BHLHE40: variants seen among roughly 807,000 people sequenced by gnomAD.
BHLHE40 encodes class E basic helix-loop-helix protein 40.
BHLHE40 carries 3 observed loss-of-function variants against 35.7 expected under a neutral mutation model. That is an observed-to-expected ratio of 0.08 (90% confidence interval 0.04 to 0.22). The LOEUF (loss-of-function observed/expected upper bound fraction) is 0.22. Ranked by LOEUF, BHLHE40 falls within the 10% of genes least tolerant of loss-of-function variation. BHLHE40 has a pLI of 1.00. For missense variants in BHLHE40, 486 were observed against 524.0 expected, an observed-to-expected ratio of 0.93 and a Z score of 0.71; for synonymous variants, 236 against 213.0, an observed-to-expected ratio of 1.11 and a Z score of -0.94.
In BHLHE40 at chr3:4,982,920, A is replaced by G. The variant is rs752635944; in HGVS notation, c.467A>G (p.Tyr156Cys). The G allele has an allele frequency of 1.9e-6, 3 of 1,614,120 alleles. No homozygotes were observed. In the East Asian group the frequency reaches 6.7e-5, roughly 36 times the overall value. ...ACATGTGCCCGGGAGGTGCTTCAGTATCTGGCCAAGCACGAGAACACTCGG... is the reference window on the plus strand; with the variant it reads ...ACATGTGCCCGGGAGGTGCTTCAGTGTCTGGCCAAGCACGAGAACACTCGG... ...FQTCAREVLQ[Y>C]LAKHENTRDL... The change falls in exon 5 of 5, where the codon TAT (tyrosine) becomes TGT (cysteine). Residue 156 changes from tyrosine to cysteine, a missense_variant. By Grantham distance (194) the Tyr-to-Cys change is radical. Around this residue, in one of 5 missense-constraint regions of BHLHE40, gnomAD observed 176 missense variants for 180.5 expected, o/e 0.98. Coordinates refer to ENST00000256495, the MANE Select transcript of BHLHE40 (RefSeq NM_003670.3).
In BHLHE40 at chr3:4,979,752, G is replaced by C. The variant is rs565467036; in HGVS notation, c.34G>C (p.Ala12Pro). The C allele has an allele frequency of 3.2e-6, 5 of 1,580,000 alleles. No individual in the cohort carries two copies. The African/African-American group carries it at 6.8e-5, about 21-fold the overall frequency. The change falls in exon 1 of 5, where the codon GCC becomes CCC. Residue 12 changes from alanine to proline, a missense_variant. Ala to Pro is a conservative substitution (Grantham distance 27). This residue lies in a region of BHLHE40 where 87 missense variants were observed against 66.7 expected (regional missense o/e 1.30). Coordinates refer to ENST00000256495, the MANE Select transcript of BHLHE40 (RefSeq NM_003670.3). ...ERIPSAQPPP[A>P]CLPKAPGLEH... is the part of the protein sequence containing the mutation. ...GATCCCCAGCGCGCAACCACCCCCCGCCTGCCTGCCCAAAGCACCGGGACT... is the reference window on the plus strand; with the variant it reads ...GATCCCCAGCGCGCAACCACCCCCCCCCTGCCTGCCCAAAGCACCGGGACT...
Position 4,980,287 on chromosome 3 carries a change from C to G in BHLHE40, c.151-14C>G, listed in dbSNP as rs372502817. On this transcript the variant is annotated splice_polypyrimidine_tract_variant and intron_variant, in intron 2 of 4. Coordinates refer to ENST00000256495, the MANE Select transcript of BHLHE40 (RefSeq NM_003670.3). ...CTTCCCCAAGCGCCCACCGCCTCCC[C>G]GTGCGTCTTGCAGGAGACCTACAAA... 1.1e-5 allele frequency: 18 copies of G among 1,611,534 alleles called. No homozygotes were observed. The African/African-American group carries it at 1.9e-4, about 17-fold the overall frequency.
chr3:4,981,505 T>C lies in BHLHE40; in HGVS notation c.372T>C (p.Gly124=). 1 of 1,613,848 alleles carries C rather than the reference T, an allele frequency of 6.2e-7. No individual in the cohort carries two copies. Among genetic ancestry groups the C allele is most frequent in the African/African-American group, 1.3e-5 (1 of 75,006 alleles). The change falls in exon 4 of 5, where the codon GGT becomes GGC. Residue 124 remains glycine (G), a synonymous_variant. Coordinates refer to ENST00000256495, the MANE Select transcript of BHLHE40 (RefSeq NM_003670.3). The part of the protein sequence containing the change: ...QQQKIIALQS[G]LQAGELSGRN... ...AGAAAATCATTGCCCTGCAGAGTGG[T>C]TTACAAGCTGGTGAGTGCTGATTCT...
intron 3 of BHLHE40, 99 bp downstream of exon 3, chr3:4,980,507 C>A: frequency 1.0e-6 from 1 of 989,410 alleles, no homozygotes; most frequent in Non-Finnish European, 1.6e-6. Context: ...GCAGACCAGA[C>A]TGGCGGATCA....
rs972664279 is a variant in BHLHE40 at position 4,982,741 on chromosome 3, T to A, written c.383-95T>A. ...AAATCAGTAAATGCATTTTTTTTTT[T>A]AACAAAAACTAAAGCACCTGGTTTT... On this transcript the variant is annotated intron_variant, in intron 4 of 4. Transcript: ENST00000256495. 2.0e-6 allele frequency: 3 copies of A among 1,490,290 alleles called. No individual in the cohort carries two copies. The African/African-American group carries it at 4.2e-5, about 21-fold the overall frequency. 92.3% of individuals were successfully genotyped at this position (1,490,290 alleles called of 1,614,324 possible).
rs141581206 is a variant in BHLHE40, at chr3:4,983,383, G to A, written c.930G>A (p.Pro310=). Reference sequence around the variant, plus strand: ...CTAGCAGTGACCTGATCAGCTCCCCGTTCCTGGGCCCACACCCACACCAGC... The same window carrying A: ...CTAGCAGTGACCTGATCAGCTCCCCATTCCTGGGCCCACACCCACACCAGC... The part of the protein sequence containing the change: ...HFTSSDLISS[P]FLGPHPHQPP... The change falls in exon 5 of 5, where the codon CCG becomes CCA. Residue 310 remains proline, a synonymous_variant. Transcript: ENST00000256495. The surrounding 1 kb of genome is among the most constrained non-coding windows in gnomAD (Gnocchi z 5.0). The A allele has an allele frequency of 2.0e-5, 33 of 1,614,120 alleles. No individual in the cohort carries two copies. The highest frequency in any genetic ancestry group is 8.3e-5 in the Admixed American group (5 of 60,020).
intron 4 of BHLHE40, among the ~76,000 whole-genome samples, chr3:4,982,611 TA>T (rs1371330445): frequency 6.6e-6 from 1 of 152,244 alleles, no homozygotes; most frequent in African/African-American, 2.4e-5. Context: ...ATGCAACCAT[TA>T]AAAATCATAT....
rs2053235556 is a variant in BHLHE40 at position 4,985,099 on chromosome 3, G to A, written c.*1407G>A. ...GGAGCCTTCCTGAAGGTGTAAAATT[G>A]TAAATATTTTTATCTATGAGTAAAT... On this transcript the variant is annotated 3_prime_UTR_variant, in exon 5 of 5. Coordinates refer to ENST00000256495, the MANE Select transcript of BHLHE40 (RefSeq NM_003670.3). 6.6e-6 allele frequency: 1 copy of A among 152,386 alleles called. No individual in the cohort carries two copies. The highest frequency in any genetic ancestry group is 2.4e-5 in the African/African-American group (1 of 41,388). 9.4% of individuals were successfully genotyped at this position (152,386 alleles called of 1,614,324 possible). A position where few individuals can be genotyped will look rare whatever the true frequency, so the allele number is the denominator to read the frequency against.
Position 4,982,866 on chromosome 3 carries a change from G to A in BHLHE40, c.413G>A (p.Gly138Asp). ...GELSGRNVET[G>D]QEMFCSGFQT... The stretch of plus-strand genomic sequence containing the variant: ...CTGTCAGGGAGAAATGTCGAAACAG[G>A]TCAAGAGATGTTCTGCTCAGGTTTC... The change falls in exon 5 of 5, where the codon GGT becomes GAT. Residue 138 changes from glycine to aspartate, a missense_variant. By Grantham distance (94) the Gly-to-Asp change is moderately conservative. This residue lies in a region of BHLHE40 where 176 missense variants were observed against 180.5 expected (regional missense o/e 0.98). Coordinates refer to ENST00000256495, the MANE Select transcript of BHLHE40 (RefSeq NM_003670.3). 3 of 1,614,122 alleles carry A rather than the reference G, an allele frequency of 1.9e-6. No homozygotes were observed. Among genetic ancestry groups the A allele is most frequent in the Non-Finnish European group, 2.5e-6 (3 of 1,180,042 alleles).
intron 4 of BHLHE40, among the ~76,000 whole-genome samples, chr3:4,982,399 T>C (rs897236422): frequency 6.6e-6 from 1 of 152,254 alleles, no homozygotes; most frequent in Non-Finnish European, 1.5e-5. Flanking sequence ...CTTCATTCTT[T>C]TCCTCATTTT....
At chr3:4,980,141 C>G (rs1281926277) in intron 2 of BHLHE40, 110 bp downstream of exon 2, 1 of 1,234,846 alleles carries the variant, frequency 8.1e-7, no homozygotes, top group African/African-American at 1.5e-5. Context: ...GGTGTGGGCT[C>G]GGTGCCTCTT....
chr3:4,983,490 C>T lies in BHLHE40; in HGVS notation c.1037C>T (p.Thr346Ile). 1 of 1,614,204 alleles carries T rather than the reference C, an allele frequency of 6.2e-7. No individual in the cohort carries two copies. The highest frequency in any genetic ancestry group is 8.5e-7 in the Non-Finnish European group (1 of 1,180,040). Residue 346 changes from threonine (T) to isoleucine (I), a missense_variant, in exon 5 of 5, where the codon ACC becomes ATC. Around this residue, in one of 5 missense-constraint regions of BHLHE40, gnomAD observed 206 missense variants for 208.9 expected, o/e 0.99. Coordinates refer to ENST00000256495, the MANE Select transcript of BHLHE40 (RefSeq NM_003670.3). The surrounding 1 kb of genome is among the most constrained non-coding windows in gnomAD (Gnocchi z 5.0). Reference sequence around the variant, plus strand: ...ATGCTGGAGAAGTGCTGGTATCCCACCTCAGTGCCAGTGCTATACCCAGGC... The same window carrying T: ...ATGCTGGAGAAGTGCTGGTATCCCATCTCAGTGCCAGTGCTATACCCAGGC... ...LPMLEKCWYPTSVPVLYPGLN... is the reference protein window; with the variant it reads ...LPMLEKCWYPISVPVLYPGLN...
At position 4,979,772 on chromosome 3, in the gene BHLHE40, G is replaced by A. The variant is rs1030845006; in HGVS notation, c.54G>A (p.Pro18=). 3 of 1,589,234 alleles carry A rather than the reference G, an allele frequency of 1.9e-6. No individual in the cohort carries two copies. The highest frequency in any genetic ancestry group is 1.3e-5 in the African/African-American group (1 of 74,200). ...QPPPACLPKA[P]GLEHGDLPGM... Reference sequence around the variant, plus strand: ...CCCCCGCCTGCCTGCCCAAAGCACCGGGACTGGAGCACGGAGACCTACCAG... The same window carrying A: ...CCCCCGCCTGCCTGCCCAAAGCACCAGGACTGGAGCACGGAGACCTACCAG... Residue 18 remains proline, a synonymous_variant, in exon 1 of 5, where the codon CCG becomes CCA. Coordinates refer to ENST00000256495, the MANE Select transcript of BHLHE40 (RefSeq NM_003670.3).
rs1340511391 is a variant in BHLHE40 at position 4,979,454 on chromosome 3, G to C, written c.-265G>C. The C allele has an allele frequency of 6.8e-6, 2 of 296,160 alleles. No individual in the cohort carries two copies. The highest frequency in any genetic ancestry group is 1.0e-3 in the Middle Eastern group (1 of 964). 18.3% of individuals were successfully genotyped at this position (296,160 alleles called of 1,614,324 possible). On this transcript the variant is annotated 5_prime_UTR_variant, in exon 1 of 5. Coordinates refer to ENST00000256495, the MANE Select transcript of BHLHE40 (RefSeq NM_003670.3). ...CACTTCTCATTCACTTGGCTCGCAC[G>C]GCGCAGACAGACCGCGCAGGGAGCA...
rs370605437 is a variant in BHLHE40 at position 4,980,330 on chromosome 3, C to T, written c.180C>T (p.Ile60=). 31 of 1,614,094 alleles carry T rather than the reference C, an allele frequency of 1.9e-5. No individual in the cohort carries two copies. Among genetic ancestry groups the T allele is most frequent in the Non-Finnish European group, 1.5e-5 (18 of 1,180,006 alleles). ...CCTACAAATTGCCGCACCGGCTCAT[C>T]GAGAAAAAGAGACGTGACCGGATTA... The part of the protein sequence containing the change: ...KETYKLPHRL[I]EKKRRDRINE... Residue 60 remains isoleucine, a synonymous_variant, in exon 3 of 5, where the codon ATC becomes ATT. Transcript: ENST00000256495.
chr3:4,979,488 C>A lies in BHLHE40; in HGVS notation c.-231C>A. The A allele has an allele frequency of 3.4e-6, 2 of 589,936 alleles. No individual in the cohort carries two copies. Among genetic ancestry groups the A allele is most frequent in the South Asian group, 2.0e-5 (1 of 49,160 alleles). The allele number at this position is 589,936 out of a possible 1,614,324, so 36.5% of individuals were successfully genotyped here. A position where few individuals can be genotyped will look rare whatever the true frequency, so the allele number is the denominator to read the frequency against. ...AGACCGCGCAGGGAGCACACACCGC[C>A]AGTCTGTGCGCTGAGTCGGAGCCAG... is the stretch of plus-strand genomic sequence containing the variant. On this transcript the variant is annotated 5_prime_UTR_variant, in exon 1 of 5. Coordinates refer to ENST00000256495, the MANE Select transcript of BHLHE40 (RefSeq NM_003670.3).
chr3:4,980,205 A>T, intron 2 of BHLHE40, 96 bp from the exon 3 acceptor site: 1 of 1,225,144 alleles, frequency 8.2e-7, no homozygotes, highest in Non-Finnish European at 1.2e-6. Flanking sequence ...CTACTCTGCT[A>T]CTCTGCTCCT....
chr3:4,979,987 G>A lies in BHLHE40; in HGVS notation c.106G>A (p.Val36Met). The change falls in exon 2 of 5, where the codon GTG becomes ATG. Residue 36 changes from valine to methionine, a missense_variant. Around this residue, in one of 5 missense-constraint regions of BHLHE40, gnomAD observed 87 missense variants for 66.7 expected, o/e 1.30. Transcript: ENST00000256495. ...GATGTACCCTGCCCACATGTACCAA[G>A]TGTACAAGTCAAGACGGGGAATAAA... ...PGMYPAHMYQVYKSRRGIKRS... is the reference protein window; with the variant it reads ...PGMYPAHMYQMYKSRRGIKRS... The A allele has an allele frequency of 6.2e-7, 1 of 1,614,186 alleles. No homozygotes were observed. The highest frequency in any genetic ancestry group is 2.2e-5 in the East Asian group (1 of 44,884).
At chr3:4,980,589 G>A (rs1399300472) in intron 3 of BHLHE40, among the ~76,000 whole-genome samples, 181 bp downstream of exon 3, 1 of 152,188 alleles carries the variant, frequency 6.6e-6, no homozygotes, top group African/African-American at 2.4e-5. Flanking sequence ...TCATGCAAAT[G>A]AGGCGAGAAC....
Sources: allele counts gnomAD v4.1 joint callset (sites outside exome capture counted in the v4.1 genomes callset), GRCh38; gene constraint gnomAD v4.1.1; regional missense constraint gnomAD v4.1.1; non-coding constraint Gnocchi (gnomAD v3.1); transcripts MANE v1.5; gene names NCBI Gene and HGNC (gene_info 2026-07-23, HGNC 2026-07-21).